Variants in RBFOX1 observed in about 807,000 individuals in gnomAD.
The protein encoded by RBFOX1 is RNA binding fox-1 homolog 1.
RBFOX1 carries 8 observed loss-of-function variants against 57.7 expected under a neutral mutation model. That is an observed-to-expected ratio of 0.14 (90% CI 0.08 to 0.25). RBFOX1 has a LOEUF of 0.25. RBFOX1 is among the 10% of genes least tolerant of loss of function. The pLI, the probability that RBFOX1 is intolerant of heterozygous loss-of-function variation, is 1.00. For missense variants in RBFOX1, 611 were observed against 548.5 expected (o/e 1.11, Z -1.14); for synonymous variants, 326 against 222.4 (o/e 1.47, Z -4.15).
At chr16:5,918,381 A>C (rs1443796188) in intron 4 of RBFOX1, among the ~76,000 whole-genome samples, 1 of 152,150 alleles carries the variant, frequency 6.6e-6, no homozygotes, top group Non-Finnish European at 1.5e-5. Context: ...TCGCCTCCCA[A>C]AGTGCTGGGA....
chr16:7,356,522 G>A (rs529210397), intron 4 of RBFOX1, among the ~76,000 whole-genome samples: 12 of 152,226 alleles, frequency 7.9e-5, no homozygotes, highest in Non-Finnish European at 1.5e-4. Context: ...AAATGATGTC[G>A]GGTGGTAGGT....
At chr16:6,905,214 C>A (rs1054693869) in intron 3 of RBFOX1, among the ~76,000 whole-genome samples, 2 of 151,776 alleles carry the variant, frequency 1.3e-5, no homozygotes, top group South Asian at 4.2e-4. Context: ...TTCCTTAGCC[C>A]TTTCTTCCTA....
In RBFOX1 at chr16:6,859,199, A is replaced by G. The variant is rs770941267; in HGVS notation, c.-15-192858A>G. ...TGTATATATATGTATATATATATGT[A>G]TATATATATATACAAAAATTAGTTC... On this transcript the variant is annotated intron_variant, in intron 3 of 15. Transcript: ENST00000550418. 2.3e-3 allele frequency among the ~76,000 whole-genome samples: 253 copies of G among 107,718 alleles called. 4 individuals carry two copies. Among genetic ancestry groups the G allele is most frequent in the South Asian group, 0.013 (41 of 3,198 alleles). 70.7% of individuals were successfully genotyped at this position (107,718 alleles called of 152,430 possible). A position where few individuals can be genotyped will look rare whatever the true frequency, so the allele number is the denominator to read the frequency against.
At chr16:7,146,860 G>C (rs796667395) in intron 4 of RBFOX1, among the ~76,000 whole-genome samples, 2 of 149,638 alleles carry the variant, frequency 1.3e-5, no homozygotes, top group Non-Finnish European at 3.0e-5. Flanking sequence ...GGAGGTGGGA[G>C]GATCATCTGA....
At chr16:7,471,253 A>T (rs946250881) in intron 4 of RBFOX1, among the ~76,000 whole-genome samples, 3 of 152,150 alleles carry the variant, frequency 2.0e-5, no homozygotes, top group Non-Finnish European at 4.4e-5. Context: ...TTCCTCACTG[A>T]GGGGGACATT....
chr16:6,197,465 G>C (rs1164604952), intron 1 of RBFOX1, among the ~76,000 whole-genome samples: 1 of 152,038 alleles, frequency 6.6e-6, no homozygotes, highest in South Asian at 2.1e-4. Context: ...TGGGTTGCTT[G>C]TTCTATCATC....
In RBFOX1 at chr16:5,749,393, C is replaced by G. The variant is rs1485264439; in HGVS notation, c.319-117910C>G. On this transcript the variant is annotated intron_variant, in intron 3 of 19. Coordinates refer to the RBFOX1 transcript ENST00000641259. ...ATCTTTGTGGCATTCTCTGTATTTC[C>G]TGAATTTGAATGTTGGCCTGCCATG... Among the ~76,000 whole-genome samples the G allele has an allele frequency of 5.3e-5, 8 of 152,092 alleles. No homozygotes were observed. The East Asian group carries it at 1.4e-3, about 26-fold the overall frequency.
chr16:6,466,104 C>T (rs2095043850), intron 2 of RBFOX1, among the ~76,000 whole-genome samples: 2 of 151,774 alleles, frequency 1.3e-5, no homozygotes, highest in African/African-American at 4.8e-5. Context: ...TGGTGGGCAC[C>T]TGTAATCCCA....
chr16:5,639,521 G>A (rs566114132), intron 3 of RBFOX1, among the ~76,000 whole-genome samples: 10 of 152,272 alleles, frequency 6.6e-5, no homozygotes, highest in East Asian at 3.9e-4. Flanking sequence ...TAGTCAAATG[G>A]GACTGAGTAG....
intron 13 of RBFOX1, among the ~76,000 whole-genome samples, chr16:7,674,112 A>C (rs2072499899): frequency 6.6e-6 from 1 of 152,216 alleles, no homozygotes; most frequent in East Asian, 1.9e-4. Context: ...ATGTACACAT[A>C]CACTGAGTTA....
At chr16:5,716,604 G>A (rs1012539707) in intron 3 of RBFOX1, among the ~76,000 whole-genome samples, 1 of 152,244 alleles carries the variant, frequency 6.6e-6, no homozygotes, top group Non-Finnish European at 1.5e-5. Context: ...TATGCTGTTG[G>A]TAGGAGGATT....
intron 2 of RBFOX1, among the ~76,000 whole-genome samples, chr16:6,430,838 G>T (rs1445838621): frequency 6.6e-6 from 1 of 151,934 alleles, no homozygotes. Flanking sequence ...GACTAGTCAA[G>T]AAGTTACTGT....
intron 3 of RBFOX1, among the ~76,000 whole-genome samples, chr16:6,915,539 C>A (rs2072918590): frequency 7.3e-6 from 1 of 136,448 alleles, no homozygotes; most frequent in Non-Finnish European, 1.6e-5. Context: ...AGTCCTCACC[C>A]CCACACCCCC....
intron 2 of RBFOX1, among the ~76,000 whole-genome samples, chr16:5,592,824 A>G (rs2047054166): frequency 6.6e-6 from 1 of 152,124 alleles, no homozygotes; most frequent in South Asian, 2.1e-4. Context: ...AGAATTCCCA[A>G]GGAGATATGT....
chr16:6,748,259 TTC>T lies in RBFOX1; in HGVS notation c.-16+93613_-16+93614del. Among the ~76,000 whole-genome samples, 4 of 152,166 alleles carry T rather than the reference TTC, an allele frequency of 2.6e-5. No individual in the cohort carries two copies. In the South Asian group the frequency reaches 8.3e-4, roughly 32 times the overall value. ...AGAAGTATACAGACCCAGCCTTCTT[TTC>T]TCTTTCTCTCTCTCTCTCTCTACAC... On this transcript the variant is annotated intron_variant, in intron 3 of 15. Transcript: ENST00000550418.
At chr16:5,491,240 G>A (rs758763115) in intron 2 of RBFOX1, among the ~76,000 whole-genome samples, 3 of 152,130 alleles carry the variant, frequency 2.0e-5, no homozygotes, top group East Asian at 1.9e-4. Context: ...CATCTAGGAC[G>A]CCAGCACCCA....
chr16:6,319,017 G>T (rs1420718833), intron 2 of RBFOX1, among the ~76,000 whole-genome samples: 1 of 151,948 alleles, frequency 6.6e-6, no homozygotes, highest in East Asian at 1.9e-4. Context: ...ACGTCGCCTG[G>T]TTATCAGGAA....
At chr16:5,974,954 G>C (rs1449850847) in intron 4 of RBFOX1, among the ~76,000 whole-genome samples, 1 of 152,136 alleles carries the variant, frequency 6.6e-6, no homozygotes, top group African/African-American at 2.4e-5. Context: ...GTTGCGGTGA[G>C]CAGAGAACAC....
chr16:6,271,641 C>T (rs149095290), intron 1 of RBFOX1, among the ~76,000 whole-genome samples: 5 of 152,162 alleles, frequency 3.3e-5, no homozygotes, highest in African/African-American at 1.2e-4. Flanking sequence ...TTGCAGATGT[C>T]AAAAAGGTAG....
Sources: gnomAD v4.1 joint callset for allele counts (sites outside exome capture counted in the v4.1 genomes callset) on GRCh38, gnomAD v4.1.1 for gene constraint, MANE v1.5 for transcripts, NCBI Gene and HGNC (gene_info 2026-07-23, HGNC 2026-07-21) for gene names.